EXOC6B: variants seen among roughly 807,000 people sequenced by gnomAD.
EXOC6B encodes SEC15 homolog B.
Under a neutral mutation model 113.5 loss-of-function variants are expected in EXOC6B, and 54 were observed. The ratio of observed to expected loss-of-function variants is 0.48; its 90% CI spans 0.38 to 0.60. The LOEUF (loss-of-function observed/expected upper bound fraction) is 0.60. Ranked by LOEUF, EXOC6B falls within the 20% of genes least tolerant of loss-of-function variation. EXOC6B has a pLI of 0.00. For synonymous variants in EXOC6B, 357 were observed against 339.0 expected (o/e 1.05, Z -0.58); for missense variants, 797 against 977.5 (o/e 0.82, Z 2.46).
chr2:72,698,328 T>C (rs1247079352), intron 6 of EXOC6B, among the ~76,000 whole-genome samples: 1 of 152,194 alleles, frequency 6.6e-6, no homozygotes, highest in East Asian at 1.9e-4. Flanking sequence ...CAAGAGAATT[T>C]CTGCCTAATA....
intron 19 of EXOC6B, among the ~76,000 whole-genome samples, chr2:72,338,807 C>T (rs1316262756): frequency 6.6e-6 from 1 of 151,788 alleles, no homozygotes; most frequent in Non-Finnish European, 1.5e-5. Flanking sequence ...CTGCTACAGA[C>T]AGGAAGGTTA....
At chr2:72,186,291 T>C (rs1678429700) in intron 20 of EXOC6B, among the ~76,000 whole-genome samples, 1 of 152,238 alleles carries the variant, frequency 6.6e-6, no homozygotes, top group Non-Finnish European at 1.5e-5. Context: ...ATGGTATTTC[T>C]ATTCCTAGAT....
chr2:72,387,121 G>A (rs1692077189), intron 18 of EXOC6B, among the ~76,000 whole-genome samples: 1 of 152,060 alleles, frequency 6.6e-6, no homozygotes, highest in Non-Finnish European at 1.5e-5. Context: ...TGCTTTCTGT[G>A]TACATATTAA....
intron 6 of EXOC6B, among the ~76,000 whole-genome samples, chr2:72,642,455 C>T (rs1268621990): frequency 4.1e-5 from 6 of 145,640 alleles, no homozygotes; most frequent in Non-Finnish European, 7.6e-5. Flanking sequence ...TCAGAAATAA[C>T]GCCACATATC....
At chr2:72,468,636 T>G (rs1698210459) in intron 17 of EXOC6B, among the ~76,000 whole-genome samples, 1 of 152,176 alleles carries the variant, frequency 6.6e-6, no homozygotes, top group Admixed American at 6.6e-5. Flanking sequence ...GTCTTAGTGG[T>G]CCCATATGAA....
At chr2:72,672,696 A>G (rs554892643) in intron 6 of EXOC6B, among the ~76,000 whole-genome samples, 1 of 152,360 alleles carries the variant, frequency 6.6e-6, no homozygotes, top group African/African-American at 2.4e-5. Context: ...AAGTGAAATA[A>G]GCCAAGCACA....
chr2:72,475,728 G>T (rs1698699849), intron 17 of EXOC6B, among the ~76,000 whole-genome samples: 1 of 152,142 alleles, frequency 6.6e-6, no homozygotes, highest in South Asian at 2.1e-4. Flanking sequence ...CACTGGGGAG[G>T]GCAGTGCCAC....
chr2:72,447,454 A>G (rs1696657520), intron 18 of EXOC6B, among the ~76,000 whole-genome samples: 1 of 152,168 alleles, frequency 6.6e-6, no homozygotes, highest in South Asian at 2.1e-4. Flanking sequence ...TATGTTACCC[A>G]GAGTCTTCAC....
intron 8 of EXOC6B, among the ~76,000 whole-genome samples, chr2:72,556,476 T>C (rs1406644941): frequency 2.6e-5 from 4 of 152,224 alleles, no homozygotes; most frequent in African/African-American, 2.4e-5. Context: ...TACGTTGACA[T>C]GGTTAAATTT....
intron 18 of EXOC6B, among the ~76,000 whole-genome samples, chr2:72,398,253 A>G (rs1434711745): frequency 2.0e-5 from 3 of 152,144 alleles, no homozygotes; most frequent in Non-Finnish European, 2.9e-5. Flanking sequence ...TGGCCTTTGG[A>G]CCCAACTAAA....
Position 72,767,808 on chromosome 2 carries a change from TAAAAAA to T in EXOC6B, c.114-26345_114-26340del, listed in dbSNP as rs34358568. On this transcript the variant is annotated intron_variant, in intron 1 of 21. Transcript: ENST00000272427. ...AGCCTGGGAGACACAGAGACCTTGTTAAAAAAAAAAAAAAAAAAAAAAAAAGACCAA... is the reference window on the plus strand; with the variant it reads ...AGCCTGGGAGACACAGAGACCTTGTTAAAAAAAAAAAAAAAAAAAGACCAA... Among the ~76,000 whole-genome samples, 53 of 12,690 alleles carry T rather than the reference TAAAAAA, an allele frequency of 4.2e-3. 2 individuals are homozygous for T. Among genetic ancestry groups the T allele is most frequent in the Middle Eastern group, 0.083 (1 of 12 alleles). The allele number at this position is 12,690 out of a possible 152,430, so 8.3% of individuals were successfully genotyped here. A position where few individuals can be genotyped will look rare whatever the true frequency, so the allele number is the denominator to read the frequency against.
chr2:72,181,847 A>T (rs1678108990), intron 21 of EXOC6B, among the ~76,000 whole-genome samples: 1 of 152,196 alleles, frequency 6.6e-6, no homozygotes, highest in African/African-American at 2.4e-5. Flanking sequence ...CTCCAAAAAC[A>T]AAAGTCAGCC....
At chr2:72,514,601 AATAAATAT>A (rs768289243) in intron 10 of EXOC6B, 25 bp downstream of exon 10, 296 of 85,328 alleles carry the variant, frequency 3.5e-3, no homozygotes, top group African/African-American at 0.011. Flanking sequence ...TAAATAAATA[AATAAATAT>A]ATATATATAT....
At chr2:72,413,808 A>C (rs1425080400) in intron 18 of EXOC6B, among the ~76,000 whole-genome samples, 1 of 152,100 alleles carries the variant, frequency 6.6e-6, no homozygotes, top group Non-Finnish European at 1.5e-5. Flanking sequence ...GGGATTACAG[A>C]CTGTATGTAT....
intron 18 of EXOC6B, among the ~76,000 whole-genome samples, chr2:72,389,756 T>C (rs1692255328): frequency 6.6e-6 from 1 of 152,188 alleles, no homozygotes; most frequent in Non-Finnish European, 1.5e-5. Context: ...ATCTAGTCAT[T>C]TCATCACTTT....
At chr2:72,241,745 G>A (rs1475321451) in intron 20 of EXOC6B, among the ~76,000 whole-genome samples, 1 of 152,042 alleles carries the variant, frequency 6.6e-6, no homozygotes, top group Non-Finnish European at 1.5e-5. Flanking sequence ...CACCAATAAA[G>A]AATTCTAGAC....
In EXOC6B at chr2:72,762,238, G is replaced by C. The variant is rs149304388; in HGVS notation, c.114-20769C>G. Among the ~76,000 whole-genome samples, 438 of 135,354 alleles carry C rather than the reference G, an allele frequency of 3.2e-3. 14 individuals are homozygous for C. In the East Asian group the frequency reaches 0.086, roughly 27 times the overall value. 88.8% of individuals were successfully genotyped at this position (135,354 alleles called of 152,430 possible). A position where few individuals can be genotyped will look rare whatever the true frequency, so the allele number is the denominator to read the frequency against. On this transcript the variant is annotated intron_variant, in intron 1 of 21. Transcript: ENST00000272427. ...CAGCCTGGCAACAGAGTGAGACTCC[G>C]TCTCAAAAAAAAAAAAAAAAGAAAA...
At chr2:72,672,959 G>A (rs1676009299) in intron 6 of EXOC6B, among the ~76,000 whole-genome samples, 1 of 152,022 alleles carries the variant, frequency 6.6e-6, no homozygotes, top group South Asian at 2.1e-4. Context: ...CTAGCATAAA[G>A]AAAAGATACA....
intron 1 of EXOC6B, among the ~76,000 whole-genome samples, chr2:72,764,835 A>G (rs964061244): frequency 2.0e-5 from 3 of 152,212 alleles, no homozygotes; most frequent in African/African-American, 2.4e-5. Flanking sequence ...CATTATTTTA[A>G]CTATACAAAT....
Sources: allele counts gnomAD v4.1 joint callset (sites outside exome capture counted in the v4.1 genomes callset), GRCh38; gene constraint gnomAD v4.1.1; transcripts MANE v1.5; gene names NCBI Gene and HGNC (gene_info 2026-07-23, HGNC 2026-07-21).